Variants in SHISA9 observed in about 807,000 individuals in gnomAD.
The protein encoded by SHISA9 is protein shisa-9.
In SHISA9, 13 loss-of-function variants were observed where a neutral mutation model predicts 38.0. The ratio of observed to expected loss-of-function variants is 0.34; its 90% confidence interval spans 0.22 to 0.54. SHISA9 has a LOEUF of 0.54. Among genes scored for constraint, SHISA9 ranks in the 20% least tolerant of loss-of-function variants. SHISA9 has a pLI of 0.91. For synonymous variants in SHISA9, 275 were observed against 242.0 expected (o/e 1.14, Z -1.27); for missense variants, 538 against 575.8 (o/e 0.93, Z 0.67).
the SHISA9 span, among the ~76,000 whole-genome samples, chr16:13,443,026 A>G: frequency 6.6e-6 from 1 of 152,230 alleles, no homozygotes; most frequent in Non-Finnish European, 1.5e-5. Context: ...CATCAGAGCC[A>G]TAACTCACTG....
the SHISA9 span, among the ~76,000 whole-genome samples, chr16:13,247,358 C>A: frequency 1.3e-5 from 2 of 152,140 alleles, no homozygotes; most frequent in African/African-American, 4.8e-5. Flanking sequence ...ATGCTAGGAC[C>A]TTTACATACC....
the SHISA9 span, among the ~76,000 whole-genome samples, chr16:13,440,616 T>G: frequency 6.5e-4 from 99 of 152,306 alleles, no homozygotes; most frequent in African/African-American, 2.1e-3. Context: ...CTAAAACCTG[T>G]GTGTGCTTTG....
At chr16:13,367,693 TGCGTGC>T in the SHISA9 span, among the ~76,000 whole-genome samples, 3 of 80,276 alleles carry the variant, frequency 3.7e-5, no homozygotes, top group African/African-American at 1.2e-4. Flanking sequence ...TACACGCGTG[TGCGTGC>T]GCGCGCGCGC....
chr16:13,465,440 G>T, the SHISA9 span, among the ~76,000 whole-genome samples: 3 of 152,214 alleles, frequency 2.0e-5, no homozygotes, highest in African/African-American at 7.2e-5. Flanking sequence ...CTAGTAGGTT[G>T]TGGGGCATGG....
At chr16:13,074,747 CT>C (rs1193092105) in intron 2 of SHISA9, among the ~76,000 whole-genome samples, 6 of 151,636 alleles carry the variant, frequency 4.0e-5, no homozygotes, top group Non-Finnish European at 1.5e-5. Context: ...TCACTGCAAC[CT>C]CTGCCTCCCA....
At chr16:13,517,592 A>G in the SHISA9 span, among the ~76,000 whole-genome samples, 4 of 152,226 alleles carry the variant, frequency 2.6e-5, no homozygotes, top group South Asian at 6.2e-4. Flanking sequence ...AGGCAACTCA[A>G]TTTCTTTCAA....
chr16:13,223,688 AG>A (rs2051251654), intron 4 of SHISA9, among the ~76,000 whole-genome samples: 2 of 152,338 alleles, frequency 1.3e-5, no homozygotes, highest in African/African-American at 4.8e-5. Context: ...TAAAGGAAAG[AG>A]GTTTGATGGA....
intron 2 of SHISA9, among the ~76,000 whole-genome samples, chr16:13,087,013 T>A (rs970288931): frequency 7.0e-6 from 1 of 142,238 alleles, no homozygotes; most frequent in South Asian, 2.5e-4. Flanking sequence ...CCGCCCTGTG[T>A]CCAAGTGATC....
At chr16:13,517,964 C>G in the SHISA9 span, among the ~76,000 whole-genome samples, 1 of 152,202 alleles carries the variant, frequency 6.6e-6, no homozygotes, top group Non-Finnish European at 1.5e-5. Context: ...CCCTGCTCTT[C>G]TGGTCTCCAT....
chr16:13,549,885 TG>T, the SHISA9 span, among the ~76,000 whole-genome samples: 1 of 152,046 alleles, frequency 6.6e-6, no homozygotes, highest in African/African-American at 2.4e-5. Flanking sequence ...TAGCTGGGCA[TG>T]GTCGTAAGCG....
intron 2 of SHISA9, among the ~76,000 whole-genome samples, chr16:12,931,338 T>C (rs2071458979): frequency 6.6e-6 from 1 of 152,214 alleles, no homozygotes; most frequent in Non-Finnish European, 1.5e-5. Context: ...TACATGGGTA[T>C]ATTGTGTGGT....
intron 2 of SHISA9, among the ~76,000 whole-genome samples, chr16:13,092,624 A>C (rs2073786679): frequency 6.6e-6 from 1 of 152,254 alleles, no homozygotes; most frequent in Non-Finnish European, 1.5e-5. Flanking sequence ...GGGACCTGCC[A>C]AGCCAGGCAC....
the SHISA9 span, among the ~76,000 whole-genome samples, chr16:13,559,934 C>T: frequency 6.6e-6 from 1 of 152,152 alleles, no homozygotes; most frequent in African/African-American, 2.4e-5. Context: ...AGCAGTAGCT[C>T]TCTCAGGAAA....
chr16:13,242,258 A>G (rs2051440812), downstream of SHISA9, among the ~76,000 whole-genome samples: 1 of 152,216 alleles, frequency 6.6e-6, no homozygotes, highest in Admixed American at 6.5e-5. Flanking sequence ...CTGGATTCGC[A>G]TGTGAATCAG....
downstream of SHISA9, among the ~76,000 whole-genome samples, chr16:13,242,713 A>G (rs2051444130): frequency 6.6e-6 from 1 of 152,150 alleles, no homozygotes; most frequent in Non-Finnish European, 1.5e-5. Context: ...GTTGCAGTTG[A>G]TAATCTTCAA....
At chr16:13,185,230 C>G (rs1166771159) in intron 2 of SHISA9, among the ~76,000 whole-genome samples, 1 of 152,084 alleles carries the variant, frequency 6.6e-6, no homozygotes, top group African/African-American at 2.4e-5. Context: ...GAAACAGGGT[C>G]TTGCTCTATC....
intron 2 of SHISA9, among the ~76,000 whole-genome samples, chr16:13,093,892 C>G (rs2073800254): frequency 6.6e-6 from 1 of 152,098 alleles, no homozygotes; most frequent in Non-Finnish European, 1.5e-5. Context: ...AAGGGAGGCA[C>G]CATAGGATTT....
At chr16:13,208,932 G>A (rs1390135951) in intron 3 of SHISA9, among the ~76,000 whole-genome samples, 1 of 152,172 alleles carries the variant, frequency 6.6e-6, no homozygotes, top group African/African-American at 2.4e-5. Flanking sequence ...TATCTAGCCT[G>A]AGAGGGGCCT....
chr16:13,206,480 A>G (rs530487905), intron 3 of SHISA9, among the ~76,000 whole-genome samples: 2 of 152,210 alleles, frequency 1.3e-5, no homozygotes, highest in Admixed American at 6.5e-5. Flanking sequence ...TGTGGTAACC[A>G]TAATCAACAC....
Sources: gnomAD v4.1 joint callset for allele counts (sites outside exome capture counted in the v4.1 genomes callset) on GRCh38, gnomAD v4.1.1 for gene constraint, MANE v1.5 for transcripts, NCBI Gene and HGNC (gene_info 2026-07-23, HGNC 2026-07-21) for gene names.